The following CCSER2 variants were observed in gnomAD, a reference collection of about 807,000 sequenced individuals.
CCSER2 encodes serine-rich coiled-coil domain-containing protein 2.
A neutral mutation model predicts 92.3 loss-of-function variants in CCSER2; 46 were observed. The observed-to-expected ratio is 0.50, with a 90% confidence interval of 0.39 to 0.64. The LOEUF (loss-of-function observed/expected upper bound fraction) is 0.64. Ranked by LOEUF, CCSER2 falls within the 30% of genes least tolerant of loss-of-function variation. The pLI, the probability that CCSER2 is intolerant of heterozygous loss-of-function variation, is 0.00. For synonymous variants in CCSER2, 433 were observed against 431.4 expected (o/e 1.00, Z -0.04); for missense variants, 1,244 against 1,238.9 (o/e 1.00, Z -0.06).
intron 1 of CCSER2, among the ~76,000 whole-genome samples, chr10:84,365,341 AC>A (rs1473402243): frequency 6.6e-6 from 1 of 152,228 alleles, no homozygotes; most frequent in Non-Finnish European, 1.5e-5. Context: ...AATGAAGCAG[AC>A]TCACAATGTC....
At chr10:84,399,516 T>C (rs757113000) in intron 3 of CCSER2, among the ~76,000 whole-genome samples, 3 of 152,184 alleles carry the variant, frequency 2.0e-5, no homozygotes, top group Admixed American at 6.5e-5. Context: ...GGGATGAGTG[T>C]TAGTCTGGAT....
chr10:84,333,867 T>C (rs555281876), intron 1 of CCSER2, among the ~76,000 whole-genome samples: 1 of 152,346 alleles, frequency 6.6e-6, no homozygotes, highest in South Asian at 2.1e-4. Flanking sequence ...TTTCACAGCG[T>C]TGACTGTGAT....
At chr10:84,398,301 G>A (rs1399095001) in intron 3 of CCSER2, among the ~76,000 whole-genome samples, 2 of 152,010 alleles carry the variant, frequency 1.3e-5, no homozygotes. Flanking sequence ...ATTATACATT[G>A]GGCCCCCTCA....
intron 9 of CCSER2, among the ~76,000 whole-genome samples, chr10:84,487,385 G>C (rs757357726): frequency 6.6e-6 from 1 of 152,164 alleles, no homozygotes; most frequent in Non-Finnish European, 1.5e-5. Context: ...AGCGTGGAAC[G>C]TTCTTCCATT....
intron 9 of CCSER2, among the ~76,000 whole-genome samples, chr10:84,503,941 A>G (rs761742010): frequency 5.3e-5 from 8 of 152,312 alleles, no homozygotes; most frequent in Non-Finnish European, 2.9e-5. Context: ...GGGGTGTTTC[A>G]CAAACATTTT....
intron 3 of CCSER2, among the ~76,000 whole-genome samples, chr10:84,375,870 T>C (rs1280912043): frequency 6.6e-6 from 1 of 151,292 alleles, no homozygotes; most frequent in Non-Finnish European, 1.5e-5. Context: ...TTTCTTTTTT[T>C]TTTTTCCTAC....
At chr10:84,442,431 A>G (rs937495230) in intron 6 of CCSER2, among the ~76,000 whole-genome samples, 19 of 152,194 alleles carry the variant, frequency 1.2e-4, no homozygotes, top group African/African-American at 4.6e-4. Context: ...GAGATTGTTG[A>G]CTGAAAAAAG....
Position 84,464,026 on chromosome 10 carries a change from T to C in CCSER2, c.2148+10T>C. 1 of 1,484,330 alleles carries C rather than the reference T, an allele frequency of 6.7e-7. No individual in the cohort carries two copies. The highest frequency in any genetic ancestry group is 9.3e-7 in the Non-Finnish European group (1 of 1,075,164). The allele number at this position is 1,484,330 out of a possible 1,614,324, so 91.9% of individuals were successfully genotyped here. ...TGATAAAGTATATAAGGTATGACTA[T>C]GTAGTCATGCTGGATTTTTCAAAAT... On this transcript the variant is annotated intron_variant, in intron 7 of 9. Transcript: ENST00000372088.
intron 1 of CCSER2, among the ~76,000 whole-genome samples, chr10:84,345,195 T>C (rs1011536011): frequency 6.6e-6 from 1 of 152,154 alleles, no homozygotes; most frequent in African/African-American, 2.4e-5. Flanking sequence ...AGTAAGATTC[T>C]AGATTAAGAA....
chr10:84,501,697 A>G lies in CCSER2; in HGVS notation c.2326-11752A>G, dbSNP rs558315673. On this transcript the variant is annotated intron_variant, in intron 9 of 9. Coordinates refer to ENST00000372088, the MANE Select transcript of CCSER2 (RefSeq NM_001284240.2). ...GAAGCAGCACTATCCTACAATTCCT[A>G]CAATACTAGTAAGACCTGCTTTTTT... 2.8e-5 allele frequency among the ~76,000 whole-genome samples: 4 copies of G among 141,694 alleles called. No homozygotes were observed. The East Asian group carries it at 8.2e-4, about 29-fold the overall frequency. 93.0% of individuals were successfully genotyped at this position (141,694 alleles called of 152,430 possible). A position where few individuals can be genotyped will look rare whatever the true frequency, so the allele number is the denominator to read the frequency against.
chr10:84,495,476 G>C (rs1443367826), intron 9 of CCSER2, among the ~76,000 whole-genome samples: 3 of 152,168 alleles, frequency 2.0e-5, no homozygotes, highest in Non-Finnish European at 4.4e-5. Context: ...AGGTGCTGTT[G>C]TTAGTGGTGT....
At chr10:84,395,066 A>G (rs1259185188) in intron 3 of CCSER2, among the ~76,000 whole-genome samples, 1 of 151,932 alleles carries the variant, frequency 6.6e-6, no homozygotes. Flanking sequence ...TGTACAAAAC[A>G]CTAAAAAATT....
intron 5 of CCSER2, among the ~76,000 whole-genome samples, chr10:84,427,948 A>T (rs893281420): frequency 6.6e-6 from 1 of 152,130 alleles, no homozygotes; most frequent in African/African-American, 2.4e-5. Flanking sequence ...GTCACTTCTA[A>T]AGGAAGTGAT....
intron 3 of CCSER2, among the ~76,000 whole-genome samples, chr10:84,381,452 A>G (rs1840900032): frequency 6.6e-6 from 1 of 152,170 alleles, no homozygotes; most frequent in African/African-American, 2.4e-5. Flanking sequence ...GAGTGCTATA[A>G]AACTTTTCAT....
At chr10:84,505,981 C>A (rs758542265) in intron 9 of CCSER2, among the ~76,000 whole-genome samples, 7 of 151,828 alleles carry the variant, frequency 4.6e-5, no homozygotes, top group Non-Finnish European at 7.4e-5. Context: ...ATTATGATGC[C>A]ATTTAGGTTT....
At chr10:84,375,952 C>T (rs1846313579) in intron 3 of CCSER2, among the ~76,000 whole-genome samples, 1 of 151,578 alleles carries the variant, frequency 6.6e-6, no homozygotes, top group African/African-American at 2.4e-5. Flanking sequence ...CTTGTCTCTG[C>T]AACACTGCTT....
intron 3 of CCSER2, among the ~76,000 whole-genome samples, chr10:84,377,920 T>C (rs1415715929): frequency 2.0e-5 from 3 of 152,340 alleles, no homozygotes; most frequent in Non-Finnish European, 4.4e-5. Flanking sequence ...TATATTGGAC[T>C]TTTCTAATAA....
At chr10:84,448,069 C>T (rs1304833870) in intron 6 of CCSER2, among the ~76,000 whole-genome samples, 1 of 152,084 alleles carries the variant, frequency 6.6e-6, no homozygotes, top group Non-Finnish European at 1.5e-5. Context: ...GCCCATTGGA[C>T]TCTGATACTC....
chr10:84,427,263 G>T (rs148110772), intron 5 of CCSER2, among the ~76,000 whole-genome samples: 6 of 152,270 alleles, frequency 3.9e-5, no homozygotes, highest in Non-Finnish European at 7.4e-5. Context: ...AATGGTTATA[G>T]ATTGATCCGT....
Sources: allele counts gnomAD v4.1 joint callset (sites outside exome capture counted in the v4.1 genomes callset), GRCh38; gene constraint gnomAD v4.1.1; transcripts MANE v1.5; gene names NCBI Gene and HGNC (gene_info 2026-07-23, HGNC 2026-07-21).